TRAPPC9: variants seen among roughly 807,000 people sequenced by gnomAD.
The protein encoded by TRAPPC9 is trafficking protein particle complex subunit 9, also known as IKK2 binding protein.
A neutral mutation model predicts 124.0 loss-of-function variants in TRAPPC9; 83 were observed. The observed-to-expected ratio is 0.67, with a 90% confidence interval of 0.56 to 0.80. The LOEUF (loss-of-function observed/expected upper bound fraction) is 0.80. TRAPPC9 is among the 30% of genes least tolerant of loss of function. TRAPPC9 has a pLI of 0.00. For synonymous variants in TRAPPC9, 638 were observed against 617.5 expected (o/e 1.03, Z -0.49); for missense variants, 1,302 against 1,508.3 (o/e 0.86, Z 2.27).
chr8:140,437,452 G>A (rs978343733), intron 3 of TRAPPC9, among the ~76,000 whole-genome samples: 10 of 152,004 alleles, frequency 6.6e-5, no homozygotes, highest in African/African-American at 9.7e-5. Context: ...GCAAAACCCC[G>A]TCTCTACTAA....
rs1821396544 is a variant in TRAPPC9 at position 139,776,558 on chromosome 8, C to G, written c.3056-44356G>C. ...GCCTAATTAGGAAGGCACAGCTGAC[C>G]ACCCAGGCCTCATTCGCAGCTGTGT... On this transcript the variant is annotated intron_variant, in intron 21 of 22. Transcript: ENST00000438773. The surrounding 1 kb of genome is among the most constrained non-coding windows in gnomAD (Gnocchi z 4.1). 6.6e-6 allele frequency among the ~76,000 whole-genome samples: 1 copy of G among 152,158 alleles called. No homozygotes were observed. The highest frequency in any genetic ancestry group is 1.5e-5 in the Non-Finnish European group (1 of 68,032).
chr8:140,217,758 G>C (rs889191251), intron 17 of TRAPPC9, among the ~76,000 whole-genome samples: 1 of 152,176 alleles, frequency 6.6e-6, no homozygotes, highest in African/African-American at 2.4e-5. Flanking sequence ...GCTCATGCCA[G>C]TAATCCCAGC....
chr8:139,749,624 A>ACCCCT (rs1819181880), intron 21 of TRAPPC9, among the ~76,000 whole-genome samples: 1 of 152,198 alleles, frequency 6.6e-6, no homozygotes, highest in African/African-American at 2.4e-5. Flanking sequence ...GTGCTGGGTC[A>ACCCCT]GTGCTTACGA....
intron 21 of TRAPPC9, among the ~76,000 whole-genome samples, chr8:139,863,502 G>A (rs961392454): frequency 9.2e-5 from 14 of 152,346 alleles, no homozygotes; most frequent in East Asian, 1.9e-4. Flanking sequence ...AATCCAGAGC[G>A]TGGAACCTTG....
intron 21 of TRAPPC9, among the ~76,000 whole-genome samples, chr8:139,860,734 T>C (rs563299255): frequency 6.6e-6 from 1 of 152,342 alleles, no homozygotes; most frequent in Admixed American, 6.5e-5. Context: ...AATCCCTCAC[T>C]AAGCACAGAC....
chr8:139,762,509 A>C (rs1365583372), intron 21 of TRAPPC9, among the ~76,000 whole-genome samples: 1 of 152,196 alleles, frequency 6.6e-6, no homozygotes, highest in African/African-American at 2.4e-5. Flanking sequence ...AAACCTGTAC[A>C]GCGTGTGACT....
At chr8:140,291,609 T>C (rs1014341836) in intron 11 of TRAPPC9, among the ~76,000 whole-genome samples, 2 of 152,260 alleles carry the variant, frequency 1.3e-5, no homozygotes, top group African/African-American at 4.8e-5. Context: ...GCATGCACTA[T>C]GTAATCCCCA....
At chr8:139,829,697 T>C (rs987781983) in intron 21 of TRAPPC9, among the ~76,000 whole-genome samples, 5 of 152,174 alleles carry the variant, frequency 3.3e-5, no homozygotes, top group African/African-American at 9.7e-5. Flanking sequence ...ATCCCAAATA[T>C]TGTAACACAA....
intron 17 of TRAPPC9, among the ~76,000 whole-genome samples, chr8:140,042,380 A>C (rs1344722438): frequency 6.6e-6 from 1 of 152,236 alleles, no homozygotes; most frequent in Non-Finnish European, 1.5e-5. Flanking sequence ...AGAGTCTTTG[A>C]CTTTAAAACA....
At chr8:140,160,462 A>T (rs1008316933) in intron 17 of TRAPPC9, among the ~76,000 whole-genome samples, 1 of 152,236 alleles carries the variant, frequency 6.6e-6, no homozygotes, top group Non-Finnish European at 1.5e-5. Flanking sequence ...AATACTATGC[A>T]GCCATATAAA....
chr8:139,967,740 C>A (rs1295973400), intron 19 of TRAPPC9, among the ~76,000 whole-genome samples: 2 of 152,192 alleles, frequency 1.3e-5, no homozygotes, highest in Non-Finnish European at 2.9e-5. Flanking sequence ...TGTTGTATTA[C>A]CCCAGCATTT....
At chr8:140,090,217 T>C (rs1408987194) in intron 17 of TRAPPC9, among the ~76,000 whole-genome samples, 2 of 152,226 alleles carry the variant, frequency 1.3e-5, no homozygotes, top group Non-Finnish European at 2.9e-5. Context: ...CATTTGAGTG[T>C]GTCTGTATGA....
chr8:140,033,685 T>TTTTTTG (rs1840686755), intron 17 of TRAPPC9, among the ~76,000 whole-genome samples: 1 of 117,346 alleles, frequency 8.5e-6, no homozygotes, highest in Non-Finnish European at 1.7e-5. Context: ...TTTTTTTTTT[T>TTTTTTG]TTTTTTTTTT....
chr8:140,186,463 G>A (rs2062356955), intron 17 of TRAPPC9, among the ~76,000 whole-genome samples: 1 of 152,108 alleles, frequency 6.6e-6, no homozygotes, highest in Non-Finnish European at 1.5e-5. Flanking sequence ...GCGGGCACCT[G>A]TAATCCCAGG....
chr8:140,258,513 C>T (rs2064323967), intron 15 of TRAPPC9, among the ~76,000 whole-genome samples: 1 of 152,236 alleles, frequency 6.6e-6, no homozygotes. Context: ...CTAAACTGCA[C>T]TCCAGAAATT....
intron 15 of TRAPPC9, among the ~76,000 whole-genome samples, chr8:140,255,357 G>C (rs2064227056): frequency 6.6e-6 from 1 of 152,232 alleles, no homozygotes; most frequent in African/African-American, 2.4e-5. Flanking sequence ...GTCAGTGGAA[G>C]ACTTGGCATA....
intron 17 of TRAPPC9, among the ~76,000 whole-genome samples, chr8:140,161,373 G>T (rs1306045745): frequency 6.6e-6 from 1 of 151,628 alleles, no homozygotes; most frequent in Non-Finnish European, 1.5e-5. Flanking sequence ...TACAGGTCAG[G>T]TATCCCCTAA....
rs570728909 is a variant in TRAPPC9, at chr8:140,388,343, G to A, written c.1134+9277C>T. 4.9e-4 allele frequency among the ~76,000 whole-genome samples: 74 copies of A among 150,116 alleles called. 1 individual carries two copies. The highest frequency in any genetic ancestry group is 1.7e-3 in the African/African-American group (69 of 40,568). ...GTATACATACGTAACAAACCTGCAC[G>A]TTGTGCACATGTACCCTAGAACTTA... On this transcript the variant is annotated intron_variant, in intron 7 of 22. Transcript: ENST00000438773.
At chr8:139,779,640 C>A (rs559891844) in intron 21 of TRAPPC9, among the ~76,000 whole-genome samples, 3 of 152,158 alleles carry the variant, frequency 2.0e-5, no homozygotes, top group Admixed American at 2.0e-4. Context: ...TCATGACAGA[C>A]TATAAGTCAA....
Sources: gnomAD v4.1 joint callset for allele counts (sites outside exome capture counted in the v4.1 genomes callset) on GRCh38, gnomAD v4.1.1 for gene constraint, Gnocchi (gnomAD v3.1) non-coding constraint, MANE v1.5 for transcripts, NCBI Gene and HGNC (gene_info 2026-07-23, HGNC 2026-07-21) for gene names.